The following PRKN variants were observed in gnomAD, a reference collection of about 807,000 sequenced individuals.
PRKN encodes the protein E3 ubiquitin-protein ligase parkin.
Under a neutral mutation model 59.5 loss-of-function variants are expected in PRKN, and 56 were observed. The ratio of observed to expected loss-of-function variants is 0.94; its 90% CI spans 0.76 to 1.18. The LOEUF (loss-of-function observed/expected upper bound fraction) is 1.18. Ranked by LOEUF, PRKN falls within the 50% of genes most tolerant of loss-of-function variation. The pLI is 0.00. For synonymous variants in PRKN, 250 were observed against 222.1 expected (o/e 1.13, Z -1.12); for missense variants, 657 against 596.4 (o/e 1.10, Z -1.06).
chr6:161,823,719 G>A (rs930076377), intron 6 of PRKN, among the ~76,000 whole-genome samples: 11 of 152,118 alleles, frequency 7.2e-5, no homozygotes, highest in African/African-American at 2.4e-4. Flanking sequence ...AAATATTTAG[G>A]TGCACACTCC....
chr6:162,095,373 A>C (rs1562509876), intron 4 of PRKN, among the ~76,000 whole-genome samples: 1 of 152,090 alleles, frequency 6.6e-6, no homozygotes, highest in Non-Finnish European at 1.5e-5. Flanking sequence ...CTTAGAGGTA[A>C]ATGTTGGCTT....
At chr6:161,874,939 A>C (rs1163535568) in intron 6 of PRKN, among the ~76,000 whole-genome samples, 6 of 84,998 alleles carry the variant, frequency 7.1e-5, no homozygotes, top group Non-Finnish European at 1.1e-4. Flanking sequence ...ATATAATATA[A>C]TATATTATAG....
rs1295272709 is a variant in PRKN, at chr6:162,389,428, A to G, written c.171+53882T>C. Among the ~76,000 whole-genome samples, 3 of 152,210 alleles carry G rather than the reference A, an allele frequency of 2.0e-5. No homozygotes were observed. In the East Asian group the frequency reaches 5.8e-4, roughly 29 times the overall value. ...CAGAGCCTCTGACTGGAAGTGAGGC[A>G]TTTCCAAGTATCAAACAATGATTAA... is the stretch of plus-strand genomic sequence containing the variant. On this transcript the variant is annotated intron_variant, in intron 2 of 11. Transcript: ENST00000366898.
chr6:162,363,531 A>C (rs1325169184), intron 2 of PRKN, among the ~76,000 whole-genome samples: 2 of 152,164 alleles, frequency 1.3e-5, no homozygotes, highest in African/African-American at 4.8e-5. Flanking sequence ...ACAGCACAAG[A>C]AAAGTGACAT....
intron 2 of PRKN, among the ~76,000 whole-genome samples, chr6:162,332,383 C>G (rs980882419): frequency 3.9e-5 from 6 of 152,196 alleles, no homozygotes; most frequent in African/African-American, 1.2e-4. Flanking sequence ...CTGCGCCCCT[C>G]TCTCTCCTGA....
chr6:161,416,154 A>G (rs970307635), intron 9 of PRKN, among the ~76,000 whole-genome samples: 1 of 151,912 alleles, frequency 6.6e-6, no homozygotes, highest in African/African-American at 2.4e-5. Context: ...TTACAATCAC[A>G]TTTTACTGGG....
At chr6:162,405,886 C>T (rs1354031890) in intron 2 of PRKN, among the ~76,000 whole-genome samples, 2 of 152,096 alleles carry the variant, frequency 1.3e-5, no homozygotes, top group African/African-American at 4.8e-5. Flanking sequence ...ATAAACCACG[C>T]AGTCTGTGGT....
chr6:161,795,161 G>C (rs1016288896), intron 6 of PRKN, among the ~76,000 whole-genome samples: 4 of 151,762 alleles, frequency 2.6e-5, no homozygotes, highest in African/African-American at 9.7e-5. Context: ...TGGGATTACA[G>C]GCATGAGTCA....
chr6:161,521,466 T>C (rs754410115), intron 9 of PRKN, among the ~76,000 whole-genome samples: 43 of 152,202 alleles, frequency 2.8e-4, no homozygotes, highest in Non-Finnish European at 5.4e-4. Context: ...GTGGTTGCCC[T>C]GGGGAAGCTT....
At chr6:161,755,416 A>C (rs1788874199) in intron 7 of PRKN, among the ~76,000 whole-genome samples, 1 of 152,110 alleles carries the variant, frequency 6.6e-6, no homozygotes, top group South Asian at 2.1e-4. Flanking sequence ...GTTGGAAAGT[A>C]CTTGATAACT....
At chr6:161,796,111 C>T (rs764332743) in intron 6 of PRKN, among the ~76,000 whole-genome samples, 31 of 152,012 alleles carry the variant, frequency 2.0e-4, no homozygotes, top group Middle Eastern at 3.2e-3. Flanking sequence ...AAACTGGCTA[C>T]GCAAAATAGA....
chr6:162,275,295 A>G (rs1361668242), intron 2 of PRKN: 1 of 151,130 alleles, frequency 6.6e-6, no homozygotes, highest in Non-Finnish European at 1.5e-5. Context: ...TTTTAATATT[A>G]TCACTTCTTC....
At chr6:162,595,621 T>C (rs906979695) in intron 1 of PRKN, among the ~76,000 whole-genome samples, 1 of 152,282 alleles carries the variant, frequency 6.6e-6, no homozygotes, top group African/African-American at 2.4e-5. Context: ...TAAATATCTT[T>C]AGTGTTGCTC....
At chr6:161,750,214 T>C (rs796745088) in intron 7 of PRKN, among the ~76,000 whole-genome samples, 37 of 152,232 alleles carry the variant, frequency 2.4e-4, no homozygotes, top group African/African-American at 8.7e-4. Context: ...TTTTTCTTTT[T>C]ACATAGATAT....
intron 1 of PRKN, among the ~76,000 whole-genome samples, chr6:162,485,629 C>T (rs892654687): frequency 1.4e-4 from 22 of 152,194 alleles, no homozygotes; most frequent in Admixed American, 1.4e-3. Flanking sequence ...TACTGGGATG[C>T]CACACGTGGT....
chr6:161,464,622 ACTT>A (rs1790366993), intron 9 of PRKN, among the ~76,000 whole-genome samples: 1 of 152,202 alleles, frequency 6.6e-6, no homozygotes. Context: ...AAATCATTGA[ACTT>A]CTTTGTGTAA....
At chr6:161,684,830 T>C (rs1785496839) in intron 7 of PRKN, among the ~76,000 whole-genome samples, 1 of 151,672 alleles carries the variant, frequency 6.6e-6, no homozygotes, top group Non-Finnish European at 1.5e-5. Flanking sequence ...ATTTTACAGA[T>C]TTCAAAGCAT....
chr6:161,956,591 A>G (rs1203195412), intron 6 of PRKN, among the ~76,000 whole-genome samples: 1 of 152,140 alleles, frequency 6.6e-6, no homozygotes, highest in Non-Finnish European at 1.5e-5. Flanking sequence ...GGATAGTTCC[A>G]TCCATCTATA....
At chr6:161,999,856 C>T (rs1781985196) in intron 5 of PRKN, among the ~76,000 whole-genome samples, 1 of 151,866 alleles carries the variant, frequency 6.6e-6, no homozygotes. Context: ...ATAGCAATAA[C>T]AATAATAATA....
Sources: gnomAD v4.1 joint callset for allele counts (sites outside exome capture counted in the v4.1 genomes callset) on GRCh38, gnomAD v4.1.1 for gene constraint, MANE v1.5 for transcripts, NCBI Gene and HGNC (gene_info 2026-07-23, HGNC 2026-07-21) for gene names.